SPOCK1: variants seen among roughly 807,000 people sequenced by gnomAD.
The protein encoded by SPOCK1 is SPARC (osteonectin), cwcv and kazal like domains proteoglycan 1.
Under a neutral mutation model 55.3 loss-of-function variants are expected in SPOCK1, and 23 were observed. The ratio of observed to expected loss-of-function variants is 0.42; its 90% CI spans 0.30 to 0.59. The LOEUF (loss-of-function observed/expected upper bound fraction) is 0.59, where lower values mean the gene tolerates loss of function less well. Ranked by LOEUF, SPOCK1 falls within the 20% of genes least tolerant of loss-of-function variation. The pLI is 0.22. For missense variants in SPOCK1, 499 were observed against 552.5 expected (o/e 0.90, Z 0.97); for synonymous variants, 226 against 221.0 (o/e 1.02, Z -0.20).
At chr5:137,228,900 T>C (rs1411389855) in intron 3 of SPOCK1, among the ~76,000 whole-genome samples, 3 of 152,202 alleles carry the variant, frequency 2.0e-5, no homozygotes, top group Non-Finnish European at 4.4e-5. Context: ...AATCTAAATA[T>C]ACTTCTGCAA....
chr5:137,294,212 A>G (rs528384247), intron 2 of SPOCK1, among the ~76,000 whole-genome samples: 1 of 152,346 alleles, frequency 6.6e-6, no homozygotes, highest in African/African-American at 2.4e-5. Flanking sequence ...ATGAAACAGC[A>G]GCATCTAAGA....
chr5:137,489,450 A>T (rs184315081), intron 2 of SPOCK1, among the ~76,000 whole-genome samples: 123 of 152,354 alleles, frequency 8.1e-4, no homozygotes, highest in African/African-American at 2.9e-3. Context: ...TCTAAAGCCC[A>T]GGACATTTGA....
chr5:137,300,650 G>T (rs1192238876), intron 2 of SPOCK1, among the ~76,000 whole-genome samples: 1 of 152,146 alleles, frequency 6.6e-6, no homozygotes, highest in African/African-American at 2.4e-5. Context: ...ACCCATTCAT[G>T]TGAGTTCAGA....
chr5:137,397,501 T>C (rs1417925317), intron 2 of SPOCK1, among the ~76,000 whole-genome samples: 2 of 152,184 alleles, frequency 1.3e-5, no homozygotes, highest in Admixed American at 6.5e-5. Context: ...CATAAGCTCC[T>C]CTCCTCTCAT....
chr5:137,140,172 A>T (rs115602847), intron 4 of SPOCK1, among the ~76,000 whole-genome samples: 3,657 of 152,258 alleles, frequency 0.024, 129 homozygotes, highest in African/African-American at 0.074. Flanking sequence ...CTTGGGCCTC[A>T]ATGGACCTCG....
At chr5:137,060,283 A>G (rs751458254) in intron 6 of SPOCK1, among the ~76,000 whole-genome samples, 1 of 152,228 alleles carries the variant, frequency 6.6e-6, no homozygotes, top group Admixed American at 6.5e-5. Flanking sequence ...AAAGAGTGAG[A>G]TCATATCCTT....
intron 5 of SPOCK1, among the ~76,000 whole-genome samples, chr5:137,079,221 T>C (rs1288132465): frequency 6.6e-6 from 1 of 152,208 alleles, no homozygotes; most frequent in African/African-American, 2.4e-5. Context: ...ATGAGTTCCA[T>C]GAGGACTAGG....
chr5:137,131,069 C>T (rs536585147), intron 4 of SPOCK1, among the ~76,000 whole-genome samples: 6 of 152,286 alleles, frequency 3.9e-5, no homozygotes, highest in South Asian at 4.1e-4. Context: ...ACAAGGCCAG[C>T]GCCCCCGATG....
At chr5:137,276,156 G>A (rs1027025063) in intron 2 of SPOCK1, among the ~76,000 whole-genome samples, 4 of 152,182 alleles carry the variant, frequency 2.6e-5, no homozygotes, top group Non-Finnish European at 2.9e-5. Flanking sequence ...GTCACCTTAT[G>A]GCCACACTAG....
At chr5:137,111,074 G>T (rs1349880124) in intron 5 of SPOCK1, among the ~76,000 whole-genome samples, 1 of 152,048 alleles carries the variant, frequency 6.6e-6, no homozygotes, top group Non-Finnish European at 1.5e-5. Flanking sequence ...TCACAAAATC[G>T]ATAGGGAAAA....
At chr5:137,175,435 T>C (rs1354798051) in intron 3 of SPOCK1, among the ~76,000 whole-genome samples, 1 of 152,192 alleles carries the variant, frequency 6.6e-6, no homozygotes, top group Non-Finnish European at 1.5e-5. Flanking sequence ...GGGCAAAGCA[T>C]ACAGTTGTGC....
chr5:137,091,842 G>A (rs1031963474), intron 5 of SPOCK1, among the ~76,000 whole-genome samples: 3 of 152,224 alleles, frequency 2.0e-5, no homozygotes, highest in African/African-American at 7.2e-5. Flanking sequence ...CTTTGCATAT[G>A]GGAGCTCATC....
intron 6 of SPOCK1, among the ~76,000 whole-genome samples, chr5:137,061,106 T>A (rs1416294970): frequency 3.9e-5 from 6 of 152,256 alleles, no homozygotes; most frequent in Non-Finnish European, 8.8e-5. Flanking sequence ...AAGGTTAGTA[T>A]AAACTGCTTT....
At chr5:137,122,149 G>T (rs1753697632) in intron 4 of SPOCK1, among the ~76,000 whole-genome samples, 1 of 151,872 alleles carries the variant, frequency 6.6e-6, no homozygotes, top group East Asian at 1.9e-4. Context: ...AACACTAAGG[G>T]TATCTGTGAG....
At chr5:137,148,577 A>C (rs767015723) in intron 3 of SPOCK1, among the ~76,000 whole-genome samples, 7 of 152,196 alleles carry the variant, frequency 4.6e-5, no homozygotes, top group African/African-American at 1.7e-4. Flanking sequence ...AAGTAGAAGG[A>C]AAGGGGGAAT....
chr5:137,483,246 T>A (rs1319270960), intron 2 of SPOCK1, among the ~76,000 whole-genome samples: 2 of 152,260 alleles, frequency 1.3e-5, no homozygotes, highest in African/African-American at 4.8e-5. Context: ...GATAGAAGAA[T>A]CACTTGAACC....
intron 6 of SPOCK1, among the ~76,000 whole-genome samples, chr5:137,024,759 G>A (rs894754927): frequency 2.0e-5 from 3 of 152,052 alleles, no homozygotes; most frequent in African/African-American, 7.2e-5. Flanking sequence ...TCCACTTCTG[G>A]GTATTTATCC....
chr5:137,459,516 T>C lies in SPOCK1; in HGVS notation c.186+38857A>G, dbSNP rs574218806. 3.3e-5 allele frequency among the ~76,000 whole-genome samples: 5 copies of C among 151,726 alleles called. No homozygotes were observed. In the East Asian group the frequency reaches 7.8e-4, roughly 24 times the overall value. The stretch of plus-strand genomic sequence containing the variant: ...CGGGGAATTATTTCAGCCAGGGACT[T>C]CTTTTGGAAACTATCTGAAGAGCTG... On this transcript the variant is annotated intron_variant, in intron 2 of 10. Coordinates refer to ENST00000394945, the MANE Select transcript of SPOCK1 (RefSeq NM_004598.4).
chr5:137,178,365 G>A (rs1754898385), intron 3 of SPOCK1, among the ~76,000 whole-genome samples: 1 of 152,208 alleles, frequency 6.6e-6, no homozygotes, highest in Admixed American at 6.5e-5. Flanking sequence ...GAGTAGCACT[G>A]TTGGGGCAGC....
Sources: gnomAD v4.1 joint callset for allele counts (sites outside exome capture counted in the v4.1 genomes callset) on GRCh38, gnomAD v4.1.1 for gene constraint, MANE v1.5 for transcripts, NCBI Gene and HGNC (gene_info 2026-07-23, HGNC 2026-07-21) for gene names.